The following ATP8A2 variants were observed in gnomAD, a reference collection of about 807,000 sequenced individuals.
The protein encoded by ATP8A2 is ATPase phospholipid transporting 8A2, also known as phospholipid-transporting ATPase IB.
Under a neutral mutation model 165.6 loss-of-function variants are expected in ATP8A2, and 100 were observed. That is an observed-to-expected ratio of 0.60 (90% CI 0.51 to 0.71). The LOEUF is 0.71. Among genes scored for constraint, ATP8A2 ranks in the 30% least tolerant of loss-of-function variants. ATP8A2 has a pLI of 0.00. For missense variants in ATP8A2, 1,227 were observed against 1,479.5 expected, an observed-to-expected ratio of 0.83 and a Z score of 2.80; for synonymous variants, 543 against 548.8, an observed-to-expected ratio of 0.99 and a Z score of 0.15.
intron 27 of ATP8A2, among the ~76,000 whole-genome samples, chr13:25,799,814 C>A (rs867027514): frequency 2.2e-4 from 34 of 152,100 alleles, no homozygotes; most frequent in African/African-American, 7.5e-4. Context: ...TGTGATTGAG[C>A]AAAAAATCTT....
intron 25 of ATP8A2, among the ~76,000 whole-genome samples, chr13:25,764,576 C>T (rs184999409): frequency 5.4e-4 from 82 of 152,314 alleles, no homozygotes; most frequent in Admixed American, 2.7e-3. Context: ...GTTAGAAATG[C>T]GCATTCACAG....
chr13:25,469,894 A>G (rs767768857), intron 2 of ATP8A2, among the ~76,000 whole-genome samples: 15 of 152,192 alleles, frequency 9.9e-5, no homozygotes, highest in Non-Finnish European at 2.1e-4. Flanking sequence ...TACATTTTCA[A>G]ATTTCATTAA....
chr13:25,499,957 G>A (rs911215628), intron 2 of ATP8A2, among the ~76,000 whole-genome samples: 1 of 152,118 alleles, frequency 6.6e-6, no homozygotes, highest in South Asian at 2.1e-4. Flanking sequence ...AGAGAAGACA[G>A]CAAGGGCAGA....
intron 1 of ATP8A2, among the ~76,000 whole-genome samples, chr13:25,434,493 C>T (rs532889614): frequency 1.4e-4 from 22 of 152,088 alleles, no homozygotes; most frequent in African/African-American, 2.9e-4. Context: ...GGATTACAGG[C>T]GTGTGTCACT....
intron 1 of ATP8A2, among the ~76,000 whole-genome samples, chr13:25,464,902 G>A (rs549066213): frequency 6.6e-6 from 1 of 152,218 alleles, no homozygotes; most frequent in Non-Finnish European, 1.5e-5. Context: ...ATGAGACAAA[G>A]TCTCTGCCCT....
intron 1 of ATP8A2, among the ~76,000 whole-genome samples, chr13:25,417,176 T>A (rs1198301133): frequency 3.3e-5 from 5 of 152,192 alleles, no homozygotes; most frequent in Non-Finnish European, 7.3e-5. Flanking sequence ...TCCCATTAAT[T>A]CTTGGCCATT....
intron 24 of ATP8A2, among the ~76,000 whole-genome samples, chr13:25,695,749 A>G (rs1424698995): frequency 6.6e-6 from 1 of 152,186 alleles, no homozygotes; most frequent in Non-Finnish European, 1.5e-5. Flanking sequence ...TTCTAATTCT[A>G]GTTCTCCCGT....
intron 33 of ATP8A2, among the ~76,000 whole-genome samples, chr13:25,923,683 C>A (rs1224306172): frequency 6.6e-6 from 1 of 150,696 alleles, no homozygotes; most frequent in African/African-American, 2.4e-5. Flanking sequence ...CCCTAGAAGA[C>A]ATCAAAATAA....
At chr13:25,715,288 T>G (rs1427256030) in intron 25 of ATP8A2, among the ~76,000 whole-genome samples, 1 of 152,180 alleles carries the variant, frequency 6.6e-6, no homozygotes, top group Non-Finnish European at 1.5e-5. Context: ...TTTGAAAAAT[T>G]TTAGCAAAGG....
chr13:25,998,129 G>C (rs777873667), intron 35 of ATP8A2, among the ~76,000 whole-genome samples: 2 of 152,210 alleles, frequency 1.3e-5, no homozygotes, highest in African/African-American at 2.4e-5. Flanking sequence ...GGGAGCTCCT[G>C]CTCTCCAGGT....
chr13:25,572,728 C>G (rs1045409951), intron 18 of ATP8A2, among the ~76,000 whole-genome samples: 3 of 152,014 alleles, frequency 2.0e-5, no homozygotes, highest in African/African-American at 7.2e-5. Context: ...CCTGCCATCC[C>G]TTGCCTTTCC....
rs117944277 is a variant in ATP8A2 at position 25,754,099 on chromosome 13, A to G, written c.2385-14947A>G. 1.8e-3 allele frequency among the ~76,000 whole-genome samples: 279 copies of G among 152,340 alleles called. 4 individuals carry two copies. In the East Asian group the frequency reaches 0.046, roughly 25 times the overall value. Reference sequence around the variant, plus strand: ...CGTAACGCCTTGGAGGCCATAGGCTATCTCTGCACATCTCCCTTAATTGCC... The same window carrying G: ...CGTAACGCCTTGGAGGCCATAGGCTGTCTCTGCACATCTCCCTTAATTGCC... On this transcript the variant is annotated intron_variant, in intron 25 of 36. Coordinates refer to ENST00000381655, the MANE Select transcript of ATP8A2 (RefSeq NM_016529.6).
chr13:25,846,269 C>T (rs557529825), intron 30 of ATP8A2, among the ~76,000 whole-genome samples: 1 of 152,262 alleles, frequency 6.6e-6, no homozygotes, highest in Non-Finnish European at 1.5e-5. Context: ...TAGAGGAGTT[C>T]CCACCCTCAT....
At chr13:25,400,168 C>T (rs887200398) in intron 1 of ATP8A2, among the ~76,000 whole-genome samples, 2 of 152,146 alleles carry the variant, frequency 1.3e-5, no homozygotes, top group African/African-American at 4.8e-5. Context: ...AAGAGATCCT[C>T]CCACATCAGC....
chr13:25,565,509 T>C (rs1359951684), intron 16 of ATP8A2, among the ~76,000 whole-genome samples: 1 of 152,272 alleles, frequency 6.6e-6, no homozygotes, highest in African/African-American at 2.4e-5. Flanking sequence ...ATATGTTTGT[T>C]GGCCATTTGT....
Position 25,565,099 on chromosome 13 carries a change from G to A in ATP8A2, c.1473+1068G>A, listed in dbSNP as rs571481102. 4.0e-4 allele frequency among the ~76,000 whole-genome samples: 61 copies of A among 152,176 alleles called. 1 individual carries two copies. In the South Asian group the frequency reaches 0.012, roughly 31 times the overall value. ...TCTCTCTCTTTATATGTATGTATAT[G>A]TGTATATATTATATATGTATATATT... On this transcript the variant is annotated intron_variant, in intron 16 of 36. Coordinates refer to ENST00000381655, the MANE Select transcript of ATP8A2 (RefSeq NM_016529.6).
rs956058914 is a variant in ATP8A2 at position 25,479,907 on chromosome 13, G to A, written c.221+10786G>A. Among the ~76,000 whole-genome samples, 6 of 151,916 alleles carry A rather than the reference G, an allele frequency of 3.9e-5. No individual in the cohort carries two copies. In the East Asian group the frequency reaches 7.7e-4, roughly 20 times the overall value. ...TGTCTACTTCTTTCCACACAGACAC[G>A]GCAACCATCCGATTTCTCAATCTTT... On this transcript the variant is annotated intron_variant, in intron 2 of 36. Coordinates refer to ENST00000381655, the MANE Select transcript of ATP8A2 (RefSeq NM_016529.6).
At chr13:25,702,613 C>A (rs867108530) in intron 25 of ATP8A2, among the ~76,000 whole-genome samples, 2 of 152,114 alleles carry the variant, frequency 1.3e-5, no homozygotes, top group African/African-American at 4.8e-5. Context: ...GGAGAGGAGA[C>A]GTGGCCTTTG....
intron 22 of ATP8A2, 30 bp downstream of exon 22, chr13:25,579,977 T>G: frequency 6.2e-7 from 1 of 1,610,578 alleles, no homozygotes. Flanking sequence ...TCTTTTCAGC[T>G]CCATGAAGGA....
Sources: allele counts gnomAD v4.1 joint callset (sites outside exome capture counted in the v4.1 genomes callset), GRCh38; gene constraint gnomAD v4.1.1; transcripts MANE v1.5; gene names NCBI Gene and HGNC (gene_info 2026-07-23, HGNC 2026-07-21).